ANKS1B: variants seen among roughly 807,000 people sequenced by gnomAD.
ANKS1B encodes the protein ankyrin repeat and sterile alpha motif domain containing 1B, also known as ankyrin repeat and sterile alpha motif domain-containing protein 1B.
In ANKS1B, 36 loss-of-function variants were observed where a neutral mutation model predicts 148.3. The observed-to-expected ratio is 0.24, with a 90% confidence interval of 0.19 to 0.32. The LOEUF is 0.32. Ranked by LOEUF, ANKS1B falls within the 10% of genes least tolerant of loss-of-function variation. The probability of loss-of-function intolerance (pLI) is 1.00; values close to 1 mark genes in which losing one functional copy is unlikely to be tolerated. For missense variants in ANKS1B, 1,157 were observed against 1,542.6 expected (o/e 0.75, Z 4.19); for synonymous variants, 542 against 560.8 (o/e 0.97, Z 0.47).
chr12:99,938,897 A>G (rs1396095162), intron 1 of ANKS1B, among the ~76,000 whole-genome samples: 1 of 152,234 alleles, frequency 6.6e-6, no homozygotes, highest in Admixed American at 6.5e-5. Context: ...GCGGCCCCGC[A>G]GACGCTGGTA....
chr12:99,487,442 A>G, intron 10 of ANKS1B, among the ~76,000 whole-genome samples: 1 of 152,202 alleles, frequency 6.6e-6, no homozygotes, highest in East Asian at 1.9e-4. Context: ...AAGGATATAT[A>G]CTGAGCTTTG....
chr12:99,699,471 C>A (rs1311290746), intron 8 of ANKS1B, among the ~76,000 whole-genome samples: 2 of 152,098 alleles, frequency 1.3e-5, no homozygotes, highest in African/African-American at 4.8e-5. Context: ...TAGTCCAGCA[C>A]CTGAGAAGCC....
At chr12:98,949,460 AT>A (rs1207089941) in intron 17 of ANKS1B, among the ~76,000 whole-genome samples, 2 of 152,152 alleles carry the variant, frequency 1.3e-5, no homozygotes, top group African/African-American at 4.8e-5. Flanking sequence ...ATTTGTTTAA[AT>A]TTTTGATCTT....
intron 9 of ANKS1B, among the ~76,000 whole-genome samples, chr12:99,529,287 T>C (rs912554063): frequency 2.6e-5 from 4 of 152,144 alleles, no homozygotes; most frequent in East Asian, 1.9e-4. Context: ...AAGAGGAGAA[T>C]GTTCACCTAG....
chr12:99,962,452 T>C (rs544181754), intron 1 of ANKS1B, among the ~76,000 whole-genome samples: 8 of 152,358 alleles, frequency 5.3e-5, no homozygotes, highest in South Asian at 4.1e-4. Flanking sequence ...CAGTCTATCA[T>C]TGATGGGCAT....
chr12:99,005,866 G>A (rs932414130), intron 17 of ANKS1B, among the ~76,000 whole-genome samples: 4 of 152,146 alleles, frequency 2.6e-5, no homozygotes, highest in African/African-American at 9.7e-5. Flanking sequence ...GGCATTCTGA[G>A]CAGTGAGCCC....
chr12:98,876,941 A>G (rs2099692482), intron 17 of ANKS1B, among the ~76,000 whole-genome samples: 1 of 152,196 alleles, frequency 6.6e-6, no homozygotes, highest in Non-Finnish European at 1.5e-5. Flanking sequence ...ATTTAAATCT[A>G]TTTTCACTGT....
chr12:99,917,170 G>A (rs1344588221), intron 1 of ANKS1B, among the ~76,000 whole-genome samples: 1 of 152,184 alleles, frequency 6.6e-6, no homozygotes, highest in Non-Finnish European at 1.5e-5. Flanking sequence ...TTGATCAGAT[G>A]CCTGGAAGAA....
At chr12:99,205,629 A>C (rs773546226) in intron 14 of ANKS1B, among the ~76,000 whole-genome samples, 27 of 152,144 alleles carry the variant, frequency 1.8e-4, no homozygotes, top group Non-Finnish European at 3.5e-4. Context: ...TTTGCACTGA[A>C]TCTCTGGAGC....
intron 17 of ANKS1B, among the ~76,000 whole-genome samples, chr12:98,931,164 T>G (rs1006052174): frequency 1.3e-5 from 2 of 152,122 alleles, no homozygotes; most frequent in Non-Finnish European, 1.5e-5. Flanking sequence ...ACTGGTGACT[T>G]GAGTTGTTGA....
In ANKS1B at chr12:99,559,205, T is replaced by C. The variant is rs80293634; in HGVS notation, c.1273-54564A>G. On this transcript the variant is annotated intron_variant, in intron 9 of 26. Transcript: ENST00000683438. ...CTTGTTTCTCAGTGAAAGATGTTCC[T>C]CCTAGTTGCATCTAGTTGGCCATTT... 7.4e-3 allele frequency among the ~76,000 whole-genome samples: 1,125 copies of C among 152,280 alleles called. 36 individuals are homozygous for C. The highest frequency in any genetic ancestry group is 0.064 in the South Asian group (310 of 4,818).
intron 8 of ANKS1B, among the ~76,000 whole-genome samples, chr12:99,701,461 T>C (rs916224318): frequency 1.3e-5 from 2 of 152,158 alleles, no homozygotes; most frequent in Admixed American, 6.6e-5. Flanking sequence ...TATACAAGCA[T>C]ACAATGTGTA....
chr12:99,755,070 TTA>T (rs1491566541), intron 8 of ANKS1B, among the ~76,000 whole-genome samples: 6 of 119,394 alleles, frequency 5.0e-5, no homozygotes, highest in African/African-American at 1.3e-4. Context: ...GAGCTGCTTT[TTA>T]AAAAAAAAAA....
intron 15 of ANKS1B, among the ~76,000 whole-genome samples, chr12:99,144,822 A>T (rs2153806438): frequency 6.6e-6 from 1 of 152,158 alleles, no homozygotes; most frequent in South Asian, 2.1e-4. Context: ...CACAAGGAGA[A>T]GGTGACCAAG....
At chr12:99,879,521 C>T (rs1040345196) in intron 1 of ANKS1B, among the ~76,000 whole-genome samples, 2 of 152,192 alleles carry the variant, frequency 1.3e-5, no homozygotes, top group African/African-American at 4.8e-5. Flanking sequence ...CTCACAATCA[C>T]ACTCCAACTT....
intron 7 of ANKS1B, among the ~76,000 whole-genome samples, chr12:99,773,577 A>C (rs762663565): frequency 2.0e-5 from 3 of 152,138 alleles, no homozygotes; most frequent in Non-Finnish European, 2.9e-5. Flanking sequence ...TAAAGTAAAA[A>C]CACAAAAGAA....
chr12:99,341,440 C>G lies in ANKS1B; in HGVS notation c.1756+58191G>C, dbSNP rs145701171. Among the ~76,000 whole-genome samples the G allele has an allele frequency of 6.6e-5, 10 of 152,200 alleles. No homozygotes were observed. In the East Asian group the frequency reaches 1.7e-3, roughly 27 times the overall value. On this transcript the variant is annotated intron_variant, in intron 12 of 26. Transcript: ENST00000683438. ...GCACATTGATTTCACACATGAGTACCAGTACCTACACCTAGATTTAAGAGA... is the reference window on the plus strand; with the variant it reads ...GCACATTGATTTCACACATGAGTACGAGTACCTACACCTAGATTTAAGAGA...
At chr12:99,435,648 C>G (rs1446465286) in intron 11 of ANKS1B, among the ~76,000 whole-genome samples, 1 of 152,004 alleles carries the variant, frequency 6.6e-6, no homozygotes, top group Non-Finnish European at 1.5e-5. Flanking sequence ...AAATACCATT[C>G]TCACTTTGCT....
chr12:99,148,244 A>G (rs1026359906), intron 15 of ANKS1B, among the ~76,000 whole-genome samples: 9 of 152,116 alleles, frequency 5.9e-5, no homozygotes, highest in African/African-American at 2.2e-4. Context: ...AATATGCTGC[A>G]TGACTAAATT....
Sources: allele counts gnomAD v4.1 joint callset (sites outside exome capture counted in the v4.1 genomes callset), GRCh38; gene constraint gnomAD v4.1.1; transcripts MANE v1.5; gene names NCBI Gene and HGNC (gene_info 2026-07-23, HGNC 2026-07-21).